The following BTBD1 variants were observed in gnomAD, a reference collection of about 807,000 sequenced individuals.
BTBD1 encodes the protein BTB/POZ domain-containing protein 1.
BTBD1 carries 34 observed loss-of-function variants against 48.0 expected under a neutral mutation model. That is an observed-to-expected ratio of 0.71 (90% CI 0.54 to 0.94). BTBD1 has a LOEUF of 0.94. Among genes scored for constraint, BTBD1 ranks in the 40% least tolerant of loss-of-function variants. The pLI, the probability that BTBD1 is intolerant of heterozygous loss-of-function variation, is 0.00. For synonymous variants in BTBD1, 261 were observed against 242.1 expected (o/e 1.08, Z -0.72); for missense variants, 543 against 625.6 (o/e 0.87, Z 1.41).
rs66531444 is a variant in BTBD1, at chr15:83,066,697, AGCCCGGCCCGGCCCGGCCCGGCCCG to A, written c.401+29_401+53del. On this transcript the variant is annotated intron_variant, in intron 1 of 7. Transcript: ENST00000261721. ...GTAGGCCGGGCCCCGGGGATCTCCC[AGCCCGGCCCGGCCCGGCCCGGCCCG>A]GCCCGGCCCGGCCCGCGCTGCCGCT... 7,590 of 1,252,180 alleles carry A rather than the reference AGCCCGGCCCGGCCCGGCCCGGCCCG, an allele frequency of 6.1e-3. 46 individuals are homozygous for A. The highest frequency in any genetic ancestry group is 0.012 in the South Asian group (420 of 36,000). The allele number at this position is 1,252,180 out of a possible 1,614,324, so 77.6% of individuals were successfully genotyped here.
chr15:83,065,563 G>T (rs1235286399), intron 1 of BTBD1, among the ~76,000 whole-genome samples: 2 of 152,080 alleles, frequency 1.3e-5, no homozygotes, highest in African/African-American at 4.8e-5. Context: ...GCCTGTTTTT[G>T]CTTCAGTACT....
chr15:83,028,974 T>C (rs1042684357), intron 5 of BTBD1, among the ~76,000 whole-genome samples: 5 of 152,302 alleles, frequency 3.3e-5, no homozygotes, highest in African/African-American at 9.6e-5. Context: ...TCTTTTCTTA[T>C]AGTTCTTTTG....
At chr15:83,026,793 A>T (rs924321048) in intron 5 of BTBD1, among the ~76,000 whole-genome samples, 8 of 152,092 alleles carry the variant, frequency 5.3e-5, no homozygotes, top group African/African-American at 1.9e-4. Flanking sequence ...AAGTGTGGGG[A>T]TTACAGGCAT....
intron 5 of BTBD1, among the ~76,000 whole-genome samples, chr15:83,021,064 G>A (rs2032284452): frequency 2.0e-5 from 3 of 152,094 alleles, no homozygotes; most frequent in Admixed American, 1.3e-4. Context: ...TTTCATGAAC[G>A]CAGACATCTC....
At chr15:83,029,866 TGGGG>T in intron 5 of BTBD1, 1 of 393,944 alleles carries the variant, frequency 2.5e-6, no homozygotes, top group Admixed American at 4.4e-5. Flanking sequence ...GACTCCATCT[TGGGG>T]AAAAACAAAA....
chr15:83,059,514 C>T (rs894707139), intron 1 of BTBD1, among the ~76,000 whole-genome samples: 1 of 152,218 alleles, frequency 6.6e-6, no homozygotes. Context: ...CATTGTACTC[C>T]AGCCTGGGCG....
chr15:83,044,236 T>C, intron 3 of BTBD1: 3 of 608,802 alleles, frequency 4.9e-6, no homozygotes, highest in Non-Finnish European at 8.7e-6. Context: ...CCAGTACATA[T>C]TGTTTAATAT....
chr15:83,063,110 G>A (rs1463684933), intron 1 of BTBD1, among the ~76,000 whole-genome samples: 3 of 152,134 alleles, frequency 2.0e-5, no homozygotes, highest in South Asian at 4.2e-4. Flanking sequence ...GTTTTGACTT[G>A]ACTTTCAGAA....
Position 83,060,898 on chromosome 15 carries a change from T to A in BTBD1, c.402-4353A>T, listed in dbSNP as rs375761793. On this transcript the variant is annotated intron_variant, in intron 1 of 7. Coordinates refer to ENST00000261721, the MANE Select transcript of BTBD1 (RefSeq NM_025238.4). ...ATATGTGTAAGAAACTTTGTATCAC[T>A]ACTTATCTGTTCATTTTACTCAAAA... is the stretch of plus-strand genomic sequence containing the variant. 3.3e-5 allele frequency among the ~76,000 whole-genome samples: 5 copies of A among 152,346 alleles called. No homozygotes were observed. The South Asian group carries it at 8.3e-4, about 25-fold the overall frequency.
At chr15:83,054,060 G>A (rs1429317000) in intron 2 of BTBD1, among the ~76,000 whole-genome samples, 3 of 151,852 alleles carry the variant, frequency 2.0e-5, no homozygotes, top group Admixed American at 6.6e-5. Flanking sequence ...GATAATAGGC[G>A]AGGCACGGTG....
chr15:83,022,684 C>G (rs1442636278), intron 5 of BTBD1: 1 of 148,078 alleles, frequency 6.8e-6, no homozygotes, highest in Non-Finnish European at 1.5e-5. Context: ...AAAAAATAGA[C>G]CAGGCACAGT....
intron 3 of BTBD1, among the ~76,000 whole-genome samples, chr15:83,049,068 T>C (rs545689970): frequency 2.0e-5 from 3 of 152,230 alleles, no homozygotes; most frequent in Admixed American, 6.5e-5. Context: ...ATGATTATCA[T>C]ATACTTTACA....
chr15:83,026,172 T>C (rs1371886282), intron 5 of BTBD1, among the ~76,000 whole-genome samples: 1 of 152,212 alleles, frequency 6.6e-6, no homozygotes, highest in East Asian at 1.9e-4. Flanking sequence ...TTTGATGACA[T>C]ACAGGAACAC....
chr15:83,058,029 T>C (rs1178046880), intron 1 of BTBD1, among the ~76,000 whole-genome samples: 1 of 152,244 alleles, frequency 6.6e-6, no homozygotes, highest in African/African-American at 2.4e-5. Flanking sequence ...TCTCAGGCAG[T>C]TTGTTCAATT....
rs1023579121 is a variant in BTBD1, at chr15:83,033,751, A to C, written c.863-3423T>G. 9.1e-4 allele frequency among the ~76,000 whole-genome samples: 139 copies of C among 151,972 alleles called. 1 individual carries two copies. Among genetic ancestry groups the C allele is most frequent in the African/African-American group, 3.2e-3 (132 of 41,446 alleles). On this transcript the variant is annotated intron_variant, in intron 4 of 7. Coordinates refer to ENST00000261721, the MANE Select transcript of BTBD1 (RefSeq NM_025238.4). ...TACCACCACTCCAGGCTAATTTTTAAATTTTTTTTTGTAAAGACAGGGTTT... is the reference window on the plus strand; with the variant it reads ...TACCACCACTCCAGGCTAATTTTTACATTTTTTTTTGTAAAGACAGGGTTT...
At chr15:83,038,020 G>C (rs539233338) in intron 4 of BTBD1, among the ~76,000 whole-genome samples, 2 of 152,176 alleles carry the variant, frequency 1.3e-5, no homozygotes, top group African/African-American at 4.8e-5. Flanking sequence ...GGAGGCAGAG[G>C]TTGCAGTGAG....
chr15:83,026,149 T>C (rs148621978), intron 5 of BTBD1, among the ~76,000 whole-genome samples: 3 of 152,324 alleles, frequency 2.0e-5, no homozygotes, highest in Non-Finnish European at 2.9e-5. Context: ...ATTATTCATC[T>C]CTGTAACTGA....
intron 1 of BTBD1, among the ~76,000 whole-genome samples, chr15:83,060,739 G>A: frequency 6.6e-6 from 1 of 152,160 alleles, no homozygotes; most frequent in Non-Finnish European, 1.5e-5. Flanking sequence ...GATTGGGTAA[G>A]CCAAGATCGC....
chr15:83,058,594 G>C (rs2033125798), intron 1 of BTBD1, among the ~76,000 whole-genome samples: 1 of 151,694 alleles, frequency 6.6e-6, no homozygotes, highest in Non-Finnish European at 1.5e-5. Flanking sequence ...GGCCAACAAA[G>C]TGAGACTTAA....
Sources: allele counts gnomAD v4.1 joint callset (sites outside exome capture counted in the v4.1 genomes callset), GRCh38; gene constraint gnomAD v4.1.1; transcripts MANE v1.5; gene names NCBI Gene and HGNC (gene_info 2026-07-23, HGNC 2026-07-21).